TRAF2: variants seen among roughly 807,000 people sequenced by gnomAD.
The protein encoded by TRAF2 is TNF receptor associated factor 2.
In TRAF2, 6 loss-of-function variants were observed where a neutral mutation model predicts 55.6. That is an observed-to-expected ratio of 0.11 (90% confidence interval 0.06 to 0.21). TRAF2 has a LOEUF of 0.21. TRAF2 is among the 10% of genes least tolerant of loss of function. The pLI is 1.00. For missense variants in TRAF2, 561 were observed against 684.5 expected (o/e 0.82, Z 2.01); for synonymous variants, 329 against 276.3 (o/e 1.19, Z -1.89).
rs188129440 is a variant in TRAF2, at chr9:136,924,868, A to G, written c.1288-815A>G. Among the ~76,000 whole-genome samples, 295 of 152,092 alleles carry G rather than the reference A, an allele frequency of 1.9e-3. 1 individual carries two copies. Among genetic ancestry groups the G allele is most frequent in the Middle Eastern group, 3.4e-3 (1 of 292 alleles). On this transcript the variant is annotated intron_variant, in intron 10 of 10. Coordinates refer to ENST00000247668, the MANE Select transcript of TRAF2 (RefSeq NM_021138.4). ...ATTCTCCTGCCTCAGCCTCCTGAGT[A>G]GCTGGGACTACAGGCATGCACCACC... is the stretch of plus-strand genomic sequence containing the variant.
intron 3 of TRAF2, among the ~76,000 whole-genome samples, chr9:136,900,213 G>A (rs914925961): frequency 2.0e-5 from 3 of 150,480 alleles, no homozygotes; most frequent in Non-Finnish European, 4.4e-5. Context: ...TTGTCCCTTA[G>A]CAGACTCCTG....
chr9:136,904,311 C>T (rs1038416988), intron 4 of TRAF2, among the ~76,000 whole-genome samples: 14 of 152,244 alleles, frequency 9.2e-5, no homozygotes, highest in Admixed American at 2.6e-4. Context: ...TCAAGTGATC[C>T]TCCCACCTTG....
At chr9:136,884,768 C>T (rs1368738125), upstream of TRAF2, among the ~76,000 whole-genome samples, 1 of 152,196 alleles carries the variant, frequency 6.6e-6, no homozygotes, top group Non-Finnish European at 1.5e-5. Context: ...CCCCATGCTG[C>T]CCATGCTGGT....
At chr9:136,906,059 C>T (rs1463711934) in intron 4 of TRAF2, among the ~76,000 whole-genome samples, 1 of 152,128 alleles carries the variant, frequency 6.6e-6, no homozygotes, top group African/African-American at 2.4e-5. Context: ...TTGCAGTGAG[C>T]CGAGATCGCG....
At chr9:136,907,945 G>T (rs550126450) in intron 4 of TRAF2, 125 bp from the exon 5 acceptor site, 4 of 1,236,458 alleles carry the variant, frequency 3.2e-6, no homozygotes, top group Admixed American at 2.2e-5. Context: ...TCTGCAGAGG[G>T]CGGCCCCCAG....
intron 1 of TRAF2, among the ~76,000 whole-genome samples, chr9:136,891,145 C>T (rs1849573382): frequency 1.3e-5 from 2 of 152,100 alleles, no homozygotes; most frequent in Non-Finnish European, 2.9e-5. Context: ...GATGGTTGCT[C>T]TTGCTCAGGC....
intron 1 of TRAF2, among the ~76,000 whole-genome samples, chr9:136,892,577 T>C (rs112153480): frequency 6.6e-6 from 1 of 152,076 alleles, no homozygotes; most frequent in Non-Finnish European, 1.5e-5. Flanking sequence ...CCATTAAACC[T>C]TTTTAAACTG....
At chr9:136,886,477 G>A, upstream of TRAF2, 1 of 1,005,040 alleles carries the variant, frequency 9.9e-7, no homozygotes, top group Non-Finnish European at 1.2e-6. Context: ...AGCGGCGGCG[G>A]CGGCGGCGGC....
intron 3 of TRAF2, among the ~76,000 whole-genome samples, 196 bp downstream of exon 3, chr9:136,899,868 C>CA (rs1264422676): frequency 2.6e-5 from 4 of 151,568 alleles, no homozygotes; most frequent in African/African-American, 9.7e-5. Flanking sequence ...CTACAAAAAG[C>CA]AAAAAACTTA....
chr9:136,917,849 C>G lies in TRAF2; in HGVS notation c.678+1234C>G, dbSNP rs539383937. On this transcript the variant is annotated intron_variant, in intron 7 of 10. Transcript: ENST00000247668. ...CCATCTCTAGGAAGCCCAGGCTTCC[C>G]GTGCGGGAGGTTGCGTAGTGACCAC... is the stretch of plus-strand genomic sequence containing the variant. Among the ~76,000 whole-genome samples, 69 of 152,220 alleles carry G rather than the reference C, an allele frequency of 4.5e-4. 2 individuals are homozygous for G. The highest frequency in any genetic ancestry group is 4.1e-3 in the Admixed American group (63 of 15,292).
intron 7 of TRAF2, among the ~76,000 whole-genome samples, chr9:136,918,260 TATTTAA>T (rs1390221655): frequency 4.2e-3 from 49 of 11,552 alleles, no homozygotes; most frequent in South Asian, 0.023. Context: ...TATATATATT[TATTTAA>T]TTAATTAATT....
intron 1 of TRAF2, among the ~76,000 whole-genome samples, chr9:136,893,429 A>T (rs1208468469): frequency 5.3e-5 from 8 of 152,232 alleles, no homozygotes; most frequent in Non-Finnish European, 1.0e-4. Context: ...CAGTTTCTCA[A>T]GAGTCAGCCC....
At chr9:136,884,035 G>A (rs1434398874), upstream of TRAF2, among the ~76,000 whole-genome samples, 1 of 151,506 alleles carries the variant, frequency 6.6e-6, no homozygotes, top group Admixed American at 6.6e-5. Context: ...ATGTTGGCCA[G>A]AATGGTCTCG....
chr9:136,918,255 A>ATATATATATATATATTTATT (rs1402432355), intron 7 of TRAF2, among the ~76,000 whole-genome samples: 14 of 23,322 alleles, frequency 6.0e-4, no homozygotes, highest in African/African-American at 2.7e-3. Context: ...ATATATATAT[A>ATATATATATATATATTTATT]TATTTATTTA....
intron 4 of TRAF2, among the ~76,000 whole-genome samples, chr9:136,903,035 C>G (rs1280951734): frequency 6.6e-6 from 1 of 152,092 alleles, no homozygotes; most frequent in Non-Finnish European, 1.5e-5. Context: ...GGCGTGACCT[C>G]GGCTCACTGC....
At chr9:136,900,317 G>A in intron 3 of TRAF2, 105 bp from the exon 4 acceptor site, 1 of 695,508 alleles carries the variant, frequency 1.4e-6, no homozygotes, top group East Asian at 2.8e-5. Context: ...GCCTGGAAAG[G>A]CGATGTGACG....
At chr9:136,919,026 C>T (rs902232777) in intron 7 of TRAF2, among the ~76,000 whole-genome samples, 1 of 74,040 alleles carries the variant, frequency 1.4e-5, no homozygotes, top group African/African-American at 5.4e-5. Context: ...TGAGCCACTG[C>T]ACCTGGCCTA....
upstream of TRAF2, among the ~76,000 whole-genome samples, chr9:136,885,146 G>A (rs1415099927): frequency 2.0e-5 from 3 of 152,222 alleles, no homozygotes; most frequent in Non-Finnish European, 4.4e-5. Context: ...TGCAAACCAA[G>A]TAACATATAT....
intron 7 of TRAF2, among the ~76,000 whole-genome samples, chr9:136,917,657 G>A (rs1222144286): frequency 6.6e-6 from 1 of 152,214 alleles, no homozygotes; most frequent in South Asian, 2.1e-4. Flanking sequence ...TGTCTTGACG[G>A]CATTTGTGGT....
Sources: allele counts gnomAD v4.1 joint callset (sites outside exome capture counted in the v4.1 genomes callset), GRCh38; gene constraint gnomAD v4.1.1; transcripts MANE v1.5; gene names NCBI Gene and HGNC (gene_info 2026-07-23, HGNC 2026-07-21).